The following GRM1 variants were observed in gnomAD, a reference collection of about 807,000 sequenced individuals.
The protein encoded by GRM1 is glutamate metabotropic receptor 1, also known as metabotropic glutamate receptor 1.
Under a neutral mutation model 90.9 loss-of-function variants are expected in GRM1, and 33 were observed. That is an observed-to-expected ratio of 0.36 (90% CI 0.28 to 0.49). GRM1 has a LOEUF of 0.49. Ranked by LOEUF, GRM1 falls within the 20% of genes least tolerant of loss-of-function variation. The pLI is 0.99. For missense variants in GRM1, 1,190 were observed against 1,534.3 expected (o/e 0.78, Z 3.75); for synonymous variants, 700 against 613.2 (o/e 1.14, Z -2.09).
intron 3 of GRM1, among the ~76,000 whole-genome samples, chr6:146,324,978 C>T (rs1248809612): frequency 6.6e-6 from 1 of 152,168 alleles, no homozygotes; most frequent in Non-Finnish European, 1.5e-5. Flanking sequence ...AGAGAAATTT[C>T]CTCCTTCTCT....
intron 1 of GRM1, among the ~76,000 whole-genome samples, chr6:146,140,651 T>TA (rs1776842083): frequency 1.3e-5 from 2 of 152,322 alleles, no homozygotes; most frequent in South Asian, 4.1e-4. Context: ...GATGAAAACT[T>TA]AACACTGATT....
chr6:146,112,034 TGTGA>T, intron 1 of GRM1, among the ~76,000 whole-genome samples: 1 of 152,338 alleles, frequency 6.6e-6, no homozygotes, highest in East Asian at 1.9e-4. Flanking sequence ...GCTTGTTAGA[TGTGA>T]GTGTTACCCC....
chr6:146,273,698 A>T (rs1298920830), intron 2 of GRM1, among the ~76,000 whole-genome samples: 2 of 152,320 alleles, frequency 1.3e-5, no homozygotes, highest in Non-Finnish European at 1.5e-5. Flanking sequence ...TTCTTTTATA[A>T]ACCAGAGGGT....
chr6:146,114,475 C>T (rs987549817), intron 1 of GRM1, among the ~76,000 whole-genome samples: 4 of 152,046 alleles, frequency 2.6e-5, no homozygotes, highest in African/African-American at 4.8e-5. Flanking sequence ...TGAGGTGTTA[C>T]GTGCAATTGC....
intron 3 of GRM1, among the ~76,000 whole-genome samples, chr6:146,350,536 T>G (rs1465431976): frequency 6.6e-6 from 1 of 151,964 alleles, no homozygotes. Context: ...GCATTTGGGG[T>G]TCTAGGCGAG....
At position 146,352,300 on chromosome 6, in the gene GRM1, G is replaced by C; in HGVS notation, c.1237G>C (p.Val413Leu). Residue 413 changes from valine (V) to leucine (L), a missense_variant, in exon 4 of 8, where the codon GTC becomes CTC. Val to Leu is a conservative substitution (Grantham distance 32). Around this residue, in one of 10 missense-constraint regions of GRM1, gnomAD observed 414 missense variants for 598.4 expected, o/e 0.69. Coordinates refer to ENST00000282753, the MANE Select transcript of GRM1 (RefSeq NM_001278064.2). ...TGTCCAGGACAGTAAGATGGGGTTT[G>C]TCATCAATGCCATCTATGCCATGGC... is the stretch of plus-strand genomic sequence containing the variant. ...NYVQDSKMGFVINAIYAMAHG... is the reference protein window; with the variant it reads ...NYVQDSKMGFLINAIYAMAHG... 1 of 1,613,606 alleles carries C rather than the reference G, an allele frequency of 6.2e-7. No homozygotes were observed. Among genetic ancestry groups the C allele is most frequent in the African/African-American group, 1.3e-5 (1 of 75,046 alleles).
At chr6:146,254,809 T>C (rs991442377) in intron 2 of GRM1, among the ~76,000 whole-genome samples, 2 of 152,170 alleles carry the variant, frequency 1.3e-5, no homozygotes, top group African/African-American at 4.8e-5. Context: ...ACTGTAAATA[T>C]CAGTTCTTAT....
intron 1 of GRM1, among the ~76,000 whole-genome samples, chr6:146,077,049 G>T (rs1356612089): frequency 6.6e-6 from 1 of 152,068 alleles, no homozygotes; most frequent in African/African-American, 2.4e-5. Context: ...CTGATAGTAG[G>T]ATATTTCGTT....
At chr6:146,109,617 C>T (rs928218239) in intron 1 of GRM1, among the ~76,000 whole-genome samples, 6 of 152,160 alleles carry the variant, frequency 3.9e-5, no homozygotes, top group Admixed American at 6.5e-5. Flanking sequence ...ACTGTGGCAC[C>T]GCCTAGTGGA....
At chr6:146,371,726 C>A (rs1775909990) in intron 5 of GRM1, among the ~76,000 whole-genome samples, 1 of 152,040 alleles carries the variant, frequency 6.6e-6, no homozygotes, top group Non-Finnish European at 1.5e-5. Context: ...GCTTGTGTTT[C>A]TGTGCCTGGC....
chr6:146,419,312 G>A (rs759271013), intron 7 of GRM1, among the ~76,000 whole-genome samples: 22 of 152,018 alleles, frequency 1.4e-4, no homozygotes, highest in South Asian at 4.2e-4. Flanking sequence ...AGACTGTGGC[G>A]GAATAGCTCC....
chr6:146,090,181 C>A (rs1357738935), intron 1 of GRM1, among the ~76,000 whole-genome samples: 2 of 151,952 alleles, frequency 1.3e-5, no homozygotes, highest in Non-Finnish European at 2.9e-5. Flanking sequence ...TTGGTTGTTC[C>A]AATAGCAAAT....
intron 1 of GRM1, among the ~76,000 whole-genome samples, chr6:146,136,720 A>T (rs1407308367): frequency 6.6e-6 from 1 of 152,162 alleles, no homozygotes; most frequent in Non-Finnish European, 1.5e-5. Flanking sequence ...TGATAAAGAA[A>T]TTCAGTAAAG....
At chr6:146,311,901 T>C (rs1349445588) in intron 3 of GRM1, among the ~76,000 whole-genome samples, 1 of 152,080 alleles carries the variant, frequency 6.6e-6, no homozygotes, top group African/African-American at 2.4e-5. Flanking sequence ...ATTAGGTGAT[T>C]GAAATTTATA....
intron 2 of GRM1, among the ~76,000 whole-genome samples, chr6:146,220,520 T>A (rs1251790020): frequency 6.6e-6 from 1 of 152,226 alleles, no homozygotes; most frequent in Admixed American, 6.5e-5. Context: ...TACTCTGTTT[T>A]CTACAATTCA....
chr6:146,383,122 G>A (rs1030067929), intron 5 of GRM1, among the ~76,000 whole-genome samples: 6 of 152,102 alleles, frequency 3.9e-5, no homozygotes, highest in East Asian at 1.9e-4. Flanking sequence ...GATGCACTTC[G>A]TGCATAAAGA....
chr6:146,080,485 A>C (rs1004546430), intron 1 of GRM1, among the ~76,000 whole-genome samples: 4 of 152,190 alleles, frequency 2.6e-5, no homozygotes, highest in African/African-American at 7.2e-5. Flanking sequence ...TTCATTCCTC[A>C]TACTAGAAAA....
chr6:146,372,326 T>C (rs1775933718), intron 5 of GRM1, among the ~76,000 whole-genome samples: 1 of 152,142 alleles, frequency 6.6e-6, no homozygotes, highest in African/African-American at 2.4e-5. Context: ...TTTTTTCCTA[T>C]AGAGTTATTT....
intron 1 of GRM1, among the ~76,000 whole-genome samples, chr6:146,106,385 G>A (rs548159984): frequency 6.6e-6 from 1 of 152,250 alleles, no homozygotes; most frequent in South Asian, 2.1e-4. Flanking sequence ...TTTCATCATA[G>A]ATAGTAGGAA....
Sources: allele counts gnomAD v4.1 joint callset (sites outside exome capture counted in the v4.1 genomes callset), GRCh38; gene constraint gnomAD v4.1.1; regional missense constraint gnomAD v4.1.1; transcripts MANE v1.5; gene names NCBI Gene and HGNC (gene_info 2026-07-23, HGNC 2026-07-21).